ZNF717: variants seen among roughly 807,000 people sequenced by gnomAD.
ZNF717 encodes the protein krueppel-like factor X17.
A neutral mutation model predicts 13.8 loss-of-function variants in ZNF717; 9 were observed. The observed-to-expected ratio is 0.65, with a 90% confidence interval of 0.39 to 1.14. The LOEUF (loss-of-function observed/expected upper bound fraction) is 1.14. ZNF717 is among the 50% of genes most tolerant of loss of function. ZNF717 has a pLI of 0.01. For synonymous variants in ZNF717, 327 were observed against 364.1 expected (o/e 0.90, Z 1.16); for missense variants, 1,040 against 1,080.7 (o/e 0.96, Z 0.53).
At chr3:75,700,485 T>C (rs1465865144) in intron 6 of ZNF717, among the ~76,000 whole-genome samples, 3 of 152,308 alleles carry the variant, frequency 2.0e-5, no homozygotes, top group African/African-American at 7.2e-5. Context: ...GTCAAAGCTA[T>C]GCTGAGTATA....
chr3:75,761,361 T>C (rs991828203), intron 2 of ZNF717, among the ~76,000 whole-genome samples: 13 of 152,262 alleles, frequency 8.5e-5, no homozygotes, highest in Non-Finnish European at 1.6e-4. Flanking sequence ...AAAGAATTAG[T>C]AATAGATGGA....
intron 2 of ZNF717, among the ~76,000 whole-genome samples, chr3:75,743,094 A>G (rs1322386827): frequency 9.9e-5 from 15 of 152,186 alleles, no homozygotes; most frequent in African/African-American, 3.6e-4. Context: ...ATAAAAATAT[A>G]CATATCATGT....
At chr3:75,713,991 C>T (rs1937998042) in intron 5 of ZNF717, among the ~76,000 whole-genome samples, 4 of 152,134 alleles carry the variant, frequency 2.6e-5, no homozygotes, top group Admixed American at 6.5e-5. Flanking sequence ...GAGGAGACAG[C>T]TTATGCCATT....
intron 4 of ZNF717, among the ~76,000 whole-genome samples, chr3:75,723,856 C>G (rs1333458503): frequency 6.6e-6 from 1 of 152,130 alleles, no homozygotes; most frequent in Non-Finnish European, 1.5e-5. Context: ...GACTCTGCTC[C>G]ACCACCTTTT....
At chr3:75,742,126 TA>T (rs1227276463) in intron 2 of ZNF717, among the ~76,000 whole-genome samples, 3 of 152,066 alleles carry the variant, frequency 2.0e-5, no homozygotes, top group African/African-American at 7.2e-5. Context: ...TTGCTAGGGA[TA>T]AAAGTATAAA....
chr3:75,732,115 C>T (rs1328484397), downstream of ZNF717: 8 of 703,008 alleles, frequency 1.1e-5, 1 homozygote, highest in South Asian at 1.0e-4. Context: ...TTGCTTCTTG[C>T]TTCCACCTTT....
intron 2 of ZNF717, among the ~76,000 whole-genome samples, chr3:75,779,312 TA>T (rs1415502906): frequency 2.0e-5 from 1 of 49,626 alleles, no homozygotes; most frequent in Non-Finnish European, 4.3e-5. Context: ...ACCAGAAACC[TA>T]AAACAATGGG....
intron 4 of ZNF717, among the ~76,000 whole-genome samples, chr3:75,720,087 G>A (rs1191981424): frequency 2.0e-5 from 3 of 151,886 alleles, no homozygotes; most frequent in Non-Finnish European, 4.4e-5. Flanking sequence ...TGTGGAAAGC[G>A]GTTTGAAGAT....
chr3:75,700,932 G>A (rs1360204042), intron 6 of ZNF717, among the ~76,000 whole-genome samples: 9 of 152,302 alleles, frequency 5.9e-5, no homozygotes, highest in Non-Finnish European at 1.2e-4. Context: ...AACAAACATG[G>A]ACAAATGGGA....
chr3:75,721,701 G>C (rs1938170307), intron 4 of ZNF717, among the ~76,000 whole-genome samples: 1 of 152,104 alleles, frequency 6.6e-6, no homozygotes, highest in Non-Finnish European at 1.5e-5. Context: ...ATTTAGTTGG[G>C]ATGAGAAGAT....
intron 2 of ZNF717, among the ~76,000 whole-genome samples, chr3:75,743,790 C>T (rs1940777090): frequency 6.6e-6 from 1 of 152,204 alleles, no homozygotes; most frequent in Non-Finnish European, 1.5e-5. Flanking sequence ...TGTCATCATC[C>T]AGCTAGTTTG....
rs74491489 is a variant in ZNF717, at chr3:75,740,330, C to G, written c.277+946G>C. On this transcript the variant is annotated intron_variant, in intron 4 of 4. Coordinates refer to ENST00000652011, the MANE Select transcript of ZNF717 (RefSeq NM_001290208.3). Reference sequence around the variant, plus strand: ...AATTAGTTTCTTTGGACTTGAGACCCAGAATCTTCTGGTTCTCCTCCCAAG... The same window carrying G: ...AATTAGTTTCTTTGGACTTGAGACCGAGAATCTTCTGGTTCTCCTCCCAAG... Among the ~76,000 whole-genome samples the G allele has an allele frequency of 5.9e-5, 9 of 152,266 alleles. No homozygotes were observed. In the East Asian group the frequency reaches 1.7e-3, roughly 29 times the overall value.
chr3:75,695,202 AC>A (rs1342137769), intron 6 of ZNF717, among the ~76,000 whole-genome samples: 8 of 152,284 alleles, frequency 5.3e-5, no homozygotes, highest in Non-Finnish European at 1.0e-4. Context: ...TACCAGACAA[AC>A]ATAGATTTCA....
chr3:75,783,104 A>T (rs1219030141), intron 2 of ZNF717, among the ~76,000 whole-genome samples: 1 of 152,258 alleles, frequency 6.6e-6, no homozygotes, highest in Non-Finnish European at 1.5e-5. Context: ...CATCAGAAAG[A>T]TCAGAGGAAA....
At chr3:75,728,734 C>T (rs62248829), downstream of ZNF717, among the ~76,000 whole-genome samples, 26 of 152,374 alleles carry the variant, frequency 1.7e-4, no homozygotes, top group East Asian at 4.6e-3. Flanking sequence ...GCCTCCCCAG[C>T]CATGCAGAGC....
At chr3:75,700,540 C>A (rs1339393972) in intron 6 of ZNF717, among the ~76,000 whole-genome samples, 3 of 151,850 alleles carry the variant, frequency 2.0e-5, no homozygotes, top group South Asian at 2.1e-4. Flanking sequence ...TTAAATTATA[C>A]CACTAAGTTA....
At chr3:75,696,559 G>A (rs75638184) in intron 6 of ZNF717, among the ~76,000 whole-genome samples, 7 of 151,738 alleles carry the variant, frequency 4.6e-5, no homozygotes, top group Non-Finnish European at 8.9e-5. Context: ...ATGCAAGGAT[G>A]GTTCAACATG....
At position 75,738,549 on chromosome 3, in the gene ZNF717, C is replaced by G. The variant is rs1939843374; in HGVS notation, c.1074G>C (p.Glu358Asp). 1 of 1,541,918 alleles carries G rather than the reference C, an allele frequency of 6.5e-7. No individual in the cohort carries two copies. The highest frequency in any genetic ancestry group is 8.8e-7 in the Non-Finnish European group (1 of 1,140,062). The change falls in exon 5 of 5, where the codon GAG becomes GAC. Residue 358 changes from glutamate (E) to aspartate (D), a missense_variant. Glu to Asp is a conservative substitution (Grantham distance 45). This residue lies in a region of ZNF717 where 873 missense variants were observed against 832.8 expected (regional missense o/e 1.05). Transcript: ENST00000652011. Reference sequence around the variant, plus strand: ...AGGGTTTATCCCCTGTGTGAGTTCTCTCATGTAAAGTGAGGAATGACTTAC... The same window carrying G: ...AGGGTTTATCCCCTGTGTGAGTTCTGTCATGTAAAGTGAGGAATGACTTAC... ...FRRKSFLTLH[E>D]RTHTGDKPYK...
At chr3:75,699,946 G>T (rs1218007066) in intron 6 of ZNF717, among the ~76,000 whole-genome samples, 2 of 152,426 alleles carry the variant, frequency 1.3e-5, no homozygotes, top group East Asian at 1.9e-4. Context: ...AGAAATAAAA[G>T]TTCTCAACAA....
Sources: gnomAD v4.1 joint callset for allele counts (sites outside exome capture counted in the v4.1 genomes callset) on GRCh38, gnomAD v4.1.1 for gene constraint, gnomAD v4.1.1 regional missense constraint, MANE v1.5 for transcripts, NCBI Gene and HGNC (gene_info 2026-07-23, HGNC 2026-07-21) for gene names.